The following NTNG1 variants were observed in gnomAD, a reference collection of about 807,000 sequenced individuals.
NTNG1 encodes netrin-G1.
NTNG1 carries 16 observed loss-of-function variants against 54.0 expected under a neutral mutation model. The observed-to-expected ratio is 0.30, with a 90% CI of 0.20 to 0.45. NTNG1 has a LOEUF of 0.45. NTNG1 is among the 20% of genes least tolerant of loss of function. The pLI, the probability that NTNG1 is intolerant of heterozygous loss-of-function variation, is 1.00. For synonymous variants in NTNG1, 255 were observed against 263.1 expected (o/e 0.97, Z 0.30); for missense variants, 530 against 678.7 (o/e 0.78, Z 2.43).
At chr1:107,478,342 A>G (rs513679) in intron 7 of NTNG1, among the ~76,000 whole-genome samples, 135,900 of 152,172 alleles carry the variant, frequency 0.89, 61,405 homozygotes, top group East Asian at 1. Flanking sequence ...TATCCTGCCA[A>G]TCCATGAGAT....
At chr1:107,193,146 G>T (rs1046575318) in intron 2 of NTNG1, among the ~76,000 whole-genome samples, 2 of 152,036 alleles carry the variant, frequency 1.3e-5, no homozygotes, top group South Asian at 2.1e-4. Context: ...TGGACAGTTG[G>T]ATGATTTTCT....
In NTNG1 at chr1:107,483,889, T is replaced by C. The variant is rs985599398; in HGVS notation, c.*3049T>C. ...ATAATGGACATGCCCTGCTGTGATTTGAGGGTTATTTATTTCTGACCCTGT... is the reference window on the plus strand; with the variant it reads ...ATAATGGACATGCCCTGCTGTGATTCGAGGGTTATTTATTTCTGACCCTGT... On this transcript the variant is annotated 3_prime_UTR_variant, in exon 8 of 8. Transcript: ENST00000370068. 6.6e-6 allele frequency among the ~76,000 whole-genome samples: 1 copy of C among 152,172 alleles called. No homozygotes were observed. Among genetic ancestry groups the C allele is most frequent in the Admixed American group, 6.5e-5 (1 of 15,284 alleles).
intron 2 of NTNG1, among the ~76,000 whole-genome samples, chr1:107,197,901 A>G (rs1658456377): frequency 1.3e-5 from 2 of 151,948 alleles, no homozygotes; most frequent in African/African-American, 4.8e-5. Context: ...ATAATTTTCT[A>G]TGCATTAAAT....
chr1:107,191,560 G>C (rs1263526165), intron 2 of NTNG1, among the ~76,000 whole-genome samples: 1 of 151,996 alleles, frequency 6.6e-6, no homozygotes, highest in Non-Finnish European at 1.5e-5. Context: ...TATGGTTTTA[G>C]GTCTAACATT....
intron 2 of NTNG1, among the ~76,000 whole-genome samples, chr1:107,321,129 T>G (rs1301033281): frequency 6.6e-6 from 1 of 152,098 alleles, no homozygotes; most frequent in Non-Finnish European, 1.5e-5. Context: ...ATTGGCTTTA[T>G]TTTCTCCATA....
chr1:107,277,880 C>T (rs773851745), intron 2 of NTNG1, among the ~76,000 whole-genome samples: 19 of 152,132 alleles, frequency 1.2e-4, no homozygotes, highest in Non-Finnish European at 2.4e-4. Flanking sequence ...TATAAATAAA[C>T]CAGTCTTTCT....
At chr1:107,263,168 T>C (rs1185209670) in intron 2 of NTNG1, among the ~76,000 whole-genome samples, 1 of 152,160 alleles carries the variant, frequency 6.6e-6, no homozygotes, top group Non-Finnish European at 1.5e-5. Context: ...ATACATTTAC[T>C]CTGAGAATGT....
At chr1:107,187,973 G>A (rs528287305) in intron 2 of NTNG1, among the ~76,000 whole-genome samples, 226 of 152,248 alleles carry the variant, frequency 1.5e-3, no homozygotes, top group Middle Eastern at 6.8e-3. Context: ...ATGTTTGTTA[G>A]ATGTTTTATG....
intron 5 of NTNG1, chr1:107,421,262 A>C: frequency 2.9e-6 from 2 of 679,642 alleles, no homozygotes; most frequent in Non-Finnish European, 5.2e-6. Flanking sequence ...AGGCATGTTG[A>C]CTAATATCAA....
intron 3 of NTNG1, among the ~76,000 whole-genome samples, chr1:107,386,145 G>GTATGTATATATATATA (rs1557954565): frequency 0.031 from 1,416 of 46,388 alleles, 35 homozygotes; most frequent in East Asian, 0.15. Context: ...ATATATATAT[G>GTATGTATATATATATA]TGTGTATATA....
intron 5 of NTNG1, among the ~76,000 whole-genome samples, chr1:107,418,059 C>T (rs1220759946): frequency 6.6e-6 from 1 of 152,024 alleles, no homozygotes; most frequent in African/African-American, 2.4e-5. Flanking sequence ...TTCCCTCTTT[C>T]CTTTTCTGAG....
intron 3 of NTNG1, 120 bp from the exon 4 acceptor site, chr1:107,395,034 C>T (rs2101088929): frequency 1.3e-6 from 1 of 767,310 alleles, no homozygotes; most frequent in Non-Finnish European, 2.2e-6. Flanking sequence ...CTATCTCTTA[C>T]TAAATGCCTC....
chr1:107,203,795 C>G (rs1024813116), intron 2 of NTNG1, among the ~76,000 whole-genome samples: 1 of 151,566 alleles, frequency 6.6e-6, no homozygotes, highest in East Asian at 1.9e-4. Flanking sequence ...AGAGTCTTAA[C>G]TGGCATTTTA....
intron 4 of NTNG1, among the ~76,000 whole-genome samples, chr1:107,404,967 TG>T (rs1406695964): frequency 6.6e-6 from 1 of 152,184 alleles, no homozygotes; most frequent in African/African-American, 2.4e-5. Flanking sequence ...ACATAGTCAC[TG>T]TTTGTTGTAA....
chr1:107,270,373 C>T (rs1664062126), intron 2 of NTNG1, among the ~76,000 whole-genome samples: 1 of 152,194 alleles, frequency 6.6e-6, no homozygotes, highest in Non-Finnish European at 1.5e-5. Flanking sequence ...GCTTTGGAAT[C>T]AGGCTTGTTC....
chr1:107,467,853 AT>A (rs1202381761), intron 7 of NTNG1, among the ~76,000 whole-genome samples: 1 of 152,176 alleles, frequency 6.6e-6, no homozygotes, highest in Admixed American at 6.5e-5. Flanking sequence ...ATTAGCAGTC[AT>A]TTTTACTTGG....
At position 107,439,870 on chromosome 1, in the gene NTNG1, AT is replaced by A. The variant is rs112492051; in HGVS notation, c.1390+3082del. 6.4e-3 allele frequency among the ~76,000 whole-genome samples: 969 copies of A among 150,668 alleles called. 12 individuals are homozygous for A. Among genetic ancestry groups the A allele is most frequent in the African/African-American group, 0.02 (807 of 40,906 alleles). On this transcript the variant is annotated intron_variant, in intron 7 of 7. Coordinates refer to ENST00000370068, the MANE Select transcript of NTNG1 (RefSeq NM_001113226.3). Reference sequence around the variant, plus strand: ...ATTAGTTGGTGCTGGAAGGTTGATAATTTTTTTTTTTCATTTTGCTCCTGTC... The same window carrying A: ...ATTAGTTGGTGCTGGAAGGTTGATAATTTTTTTTTTCATTTTGCTCCTGTC...
At chr1:107,200,008 G>A (rs1042434803) in intron 2 of NTNG1, among the ~76,000 whole-genome samples, 1 of 151,790 alleles carries the variant, frequency 6.6e-6, no homozygotes, top group African/African-American at 2.4e-5. Context: ...ATGGAATCAT[G>A]GGGTTTTCTC....
intron 2 of NTNG1, chr1:107,261,099 A>C (rs1002770133): frequency 6.6e-6 from 1 of 152,224 alleles, no homozygotes; most frequent in Non-Finnish European, 1.5e-5. Context: ...CTCGTTCTTT[A>C]ATTCATTCAT....
Sources: gnomAD v4.1 joint callset for allele counts (sites outside exome capture counted in the v4.1 genomes callset) on GRCh38, gnomAD v4.1.1 for gene constraint, MANE v1.5 for transcripts, NCBI Gene and HGNC (gene_info 2026-07-23, HGNC 2026-07-21) for gene names.